The following PRKG1 variants were observed in gnomAD, a reference collection of about 807,000 sequenced individuals.
The protein encoded by PRKG1 is cGMP-dependent protein kinase 1.
PRKG1 carries 35 observed loss-of-function variants against 88.1 expected under a neutral mutation model. That is an observed-to-expected ratio of 0.40 (90% confidence interval 0.30 to 0.53). The LOEUF (loss-of-function observed/expected upper bound fraction) is 0.53. Ranked by LOEUF, PRKG1 falls within the 20% of genes least tolerant of loss-of-function variation. PRKG1 has a pLI of 0.59. For synonymous variants in PRKG1, 303 were observed against 292.5 expected (o/e 1.04, Z -0.37); for missense variants, 540 against 839.8 (o/e 0.64, Z 4.41).
At chr10:51,715,809 A>T (rs563648029) in intron 3 of PRKG1, among the ~76,000 whole-genome samples, 46 of 152,276 alleles carry the variant, frequency 3.0e-4, no homozygotes, top group South Asian at 8.3e-4. Flanking sequence ...TTCTTAGAAA[A>T]CTTAGATGTG....
intron 8 of PRKG1, among the ~76,000 whole-genome samples, chr10:52,139,323 C>T (rs1837511534): frequency 6.6e-6 from 1 of 152,086 alleles, no homozygotes; most frequent in South Asian, 2.1e-4. Flanking sequence ...AACCTCAGTG[C>T]CTTCCACATG....
At chr10:52,059,903 CAA>C (rs955441271) in intron 6 of PRKG1, among the ~76,000 whole-genome samples, 7 of 151,588 alleles carry the variant, frequency 4.6e-5, no homozygotes, top group African/African-American at 1.7e-4. Flanking sequence ...ATATCTATAA[CAA>C]GAAAATGTTC....
intron 2 of PRKG1, among the ~76,000 whole-genome samples, chr10:51,194,602 A>C (rs1034492998): frequency 6.6e-6 from 1 of 152,144 alleles, no homozygotes; most frequent in Non-Finnish European, 1.5e-5. Context: ...TCTAGGTTAC[A>C]TTGAATGAAA....
chr10:51,384,084 G>T (rs904168465), intron 2 of PRKG1, among the ~76,000 whole-genome samples: 4 of 151,660 alleles, frequency 2.6e-5, no homozygotes, highest in African/African-American at 7.3e-5. Context: ...ACTGTTAAAT[G>T]AATTCTCTTT....
At chr10:52,114,474 A>G (rs927001290) in intron 7 of PRKG1, among the ~76,000 whole-genome samples, 2 of 151,736 alleles carry the variant, frequency 1.3e-5, no homozygotes, top group East Asian at 3.9e-4. Flanking sequence ...CTTTCAAACA[A>G]TCCTTTAAAA....
chr10:51,870,152 C>A (rs1007442701), intron 4 of PRKG1, among the ~76,000 whole-genome samples: 1 of 152,086 alleles, frequency 6.6e-6, no homozygotes, highest in East Asian at 1.9e-4. Context: ...TGACCTTAAA[C>A]GCTTTAGCTT....
intron 1 of PRKG1, among the ~76,000 whole-genome samples, chr10:51,121,225 C>G (rs866063520): frequency 6.6e-6 from 1 of 152,140 alleles, no homozygotes; most frequent in Non-Finnish European, 1.5e-5. Flanking sequence ...CTGTAGGCCC[C>G]TTTTTCCATA....
Position 51,442,867 on chromosome 10 carries a change from G to C in PRKG1, c.479-24856G>C, listed in dbSNP as rs77376269. On this transcript the variant is annotated intron_variant, in intron 2 of 17. Transcript: ENST00000373980. ...AGTCATTATCTCTAACAGTTCTGTG[G>C]GTTACCTGGATTCGGGTGTTTCTTG... is the stretch of plus-strand genomic sequence containing the variant. Among the ~76,000 whole-genome samples, 689 of 152,094 alleles carry C rather than the reference G, an allele frequency of 4.5e-3. 5 individuals carry two copies. The highest frequency in any genetic ancestry group is 0.016 in the African/African-American group (665 of 41,520).
chr10:51,662,401 C>A (rs1840322282), intron 3 of PRKG1, among the ~76,000 whole-genome samples: 1 of 152,028 alleles, frequency 6.6e-6, no homozygotes, highest in African/African-American at 2.4e-5. Flanking sequence ...TCCTTCAAAC[C>A]ATTTATACTA....
intron 1 of PRKG1, among the ~76,000 whole-genome samples, chr10:51,085,691 C>A (rs1051624904): frequency 6.7e-6 from 1 of 150,168 alleles, no homozygotes; most frequent in African/African-American, 2.4e-5. Context: ...TTTTTCAGTT[C>A]TGAATGTTAG....
intron 3 of PRKG1, among the ~76,000 whole-genome samples, chr10:51,542,421 T>C (rs1842328181): frequency 6.6e-6 from 1 of 152,180 alleles, no homozygotes; most frequent in Non-Finnish European, 1.5e-5. Context: ...ACACTGAGGC[T>C]TGGAGAGATT....
intron 7 of PRKG1, among the ~76,000 whole-genome samples, chr10:52,074,052 TTTAC>T (rs1401064953): frequency 6.6e-6 from 1 of 152,212 alleles, no homozygotes; most frequent in African/African-American, 2.4e-5. Flanking sequence ...GTTGTTTGAA[TTTAC>T]TTAATAATCT....
At chr10:51,676,461 CAAAAA>C (rs375581966) in intron 3 of PRKG1, among the ~76,000 whole-genome samples, 9 of 92,742 alleles carry the variant, frequency 9.7e-5, no homozygotes, top group Non-Finnish European at 2.2e-4. Context: ...CACCAATGCA[CAAAAA>C]AAAAAAAAAA....
intron 2 of PRKG1, among the ~76,000 whole-genome samples, chr10:51,328,976 T>C (rs1480062136): frequency 1.3e-5 from 2 of 152,198 alleles, no homozygotes; most frequent in Non-Finnish European, 2.9e-5. Flanking sequence ...GTTTCTTACA[T>C]ATTTTAGGCA....
intron 4 of PRKG1, among the ~76,000 whole-genome samples, chr10:51,845,774 G>T (rs578138106): frequency 1.3e-5 from 2 of 151,728 alleles, no homozygotes; most frequent in Non-Finnish European, 2.9e-5. Context: ...TTTGGCAAAG[G>T]GTTGTCATAC....
intron 3 of PRKG1, among the ~76,000 whole-genome samples, chr10:51,621,009 G>GTATATATATATATATATATATATATATA (rs55657310): frequency 8.2e-6 from 1 of 121,902 alleles, no homozygotes; most frequent in Non-Finnish European, 1.7e-5. Flanking sequence ...GTATATGTGT[G>GTATATATATATATATATATATATATATA]TATATATATA....
At chr10:51,335,723 C>A (rs1033932454) in intron 2 of PRKG1, among the ~76,000 whole-genome samples, 3 of 151,994 alleles carry the variant, frequency 2.0e-5, no homozygotes, top group Non-Finnish European at 4.4e-5. Flanking sequence ...TAGATATCTG[C>A]ACGAAAATAC....
At chr10:51,984,525 A>G (rs1162676481) in intron 5 of PRKG1, among the ~76,000 whole-genome samples, 1 of 152,188 alleles carries the variant, frequency 6.6e-6, no homozygotes, top group Non-Finnish European at 1.5e-5. Context: ...TGCTTGTGTT[A>G]TAGGCAACAG....
At chr10:51,707,916 G>A (rs75638457) in intron 3 of PRKG1, among the ~76,000 whole-genome samples, 2,261 of 152,190 alleles carry the variant, frequency 0.015, 27 homozygotes, top group South Asian at 0.029. Context: ...TTAGAAATTA[G>A]AAAACCTAAA....
Sources: gnomAD v4.1 joint callset for allele counts (sites outside exome capture counted in the v4.1 genomes callset) on GRCh38, gnomAD v4.1.1 for gene constraint, MANE v1.5 for transcripts, NCBI Gene and HGNC (gene_info 2026-07-23, HGNC 2026-07-21) for gene names.